The following SNX29 variants were observed in gnomAD, a reference collection of about 807,000 sequenced individuals.
The protein encoded by SNX29 is sorting nexin-29.
In SNX29, 78 loss-of-function variants were observed where a neutral mutation model predicts 102.1. That is an observed-to-expected ratio of 0.76 (90% CI 0.64 to 0.92). The LOEUF (loss-of-function observed/expected upper bound fraction) is 0.92, where lower values mean the gene tolerates loss of function less well. Among genes scored for constraint, SNX29 ranks in the 40% least tolerant of loss-of-function variants. The pLI is 0.00. For missense variants in SNX29, 1,280 were observed against 1,061.7 expected, an observed-to-expected ratio of 1.21 and a Z score of -2.86; for synonymous variants, 580 against 414.5, an observed-to-expected ratio of 1.40 and a Z score of -4.85.
At chr16:12,540,931 C>A (rs752520567) in intron 20 of SNX29, among the ~76,000 whole-genome samples, 1 of 152,166 alleles carries the variant, frequency 6.6e-6, no homozygotes, top group African/African-American at 2.4e-5. Context: ...CACCCCCTGC[C>A]CACTTTTGGG....
At chr16:12,559,849 C>T (rs752284342) in intron 20 of SNX29, among the ~76,000 whole-genome samples, 3 of 152,114 alleles carry the variant, frequency 2.0e-5, no homozygotes, top group Non-Finnish European at 4.4e-5. Flanking sequence ...TGCCAGACTG[C>T]TTTGATTTAA....
chr16:11,989,250 G>A (rs1367758947), intron 1 of SNX29, among the ~76,000 whole-genome samples: 1 of 152,192 alleles, frequency 6.6e-6, no homozygotes, highest in Non-Finnish European at 1.5e-5. Flanking sequence ...TGGGATTACA[G>A]ACGTGAGCCA....
chr16:12,268,639 C>T (rs187954661), intron 14 of SNX29, among the ~76,000 whole-genome samples: 5 of 152,266 alleles, frequency 3.3e-5, no homozygotes, highest in South Asian at 2.1e-4. Flanking sequence ...GAACCTTGCC[C>T]GTTGTTATGG....
At chr16:12,191,411 CAT>C (rs965053526) in intron 13 of SNX29, among the ~76,000 whole-genome samples, 2 of 152,176 alleles carry the variant, frequency 1.3e-5, no homozygotes, top group African/African-American at 4.8e-5. Flanking sequence ...TTGCCAGGAA[CAT>C]GACTTACCTC....
At position 12,573,403 on chromosome 16, in the gene SNX29, G is replaced by A. The variant is rs142319322; in HGVS notation, c.*4774G>A. 138 of 224,314 alleles carry A rather than the reference G, an allele frequency of 6.2e-4. No individual in the cohort carries two copies. The highest frequency in any genetic ancestry group is 2.9e-3 in the African/African-American group (131 of 44,950). The allele number at this position is 224,314 out of a possible 1,614,324, so 13.9% of individuals were successfully genotyped here. ...TCCTTCCTTATAGCTAGTTTCTATA[G>A]AGAAGTGAAAAAGAAATCTGGCTTC... is the stretch of plus-strand genomic sequence containing the variant. On this transcript the variant is annotated 3_prime_UTR_variant, in exon 21 of 21. Coordinates refer to ENST00000566228, the MANE Select transcript of SNX29 (RefSeq NM_032167.5).
rs138133306 is a variant in SNX29 at position 12,030,357 on chromosome 16, C to A, written c.247+2913C>A. Among the ~76,000 whole-genome samples, 641 of 152,300 alleles carry A rather than the reference C, an allele frequency of 4.2e-3. 7 individuals carry two copies. The highest frequency in any genetic ancestry group is 0.014 in the African/African-American group (600 of 41,562). Reference sequence around the variant, plus strand: ...GCGTACAGCACGGGCTTGTCAGTCTCCAAAACTGAATTCTGATCTTCATCC... The same window carrying A: ...GCGTACAGCACGGGCTTGTCAGTCTACAAAACTGAATTCTGATCTTCATCC... On this transcript the variant is annotated intron_variant, in intron 4 of 20. Transcript: ENST00000566228.
At chr16:12,106,184 G>A (rs1023455456) in intron 11 of SNX29, among the ~76,000 whole-genome samples, 9 of 152,214 alleles carry the variant, frequency 5.9e-5, no homozygotes, top group African/African-American at 2.2e-4. Context: ...TGTGTGGGCT[G>A]AGGGAGGGAC....
chr16:12,540,306 C>T (rs1441766455), intron 20 of SNX29, among the ~76,000 whole-genome samples: 6 of 152,180 alleles, frequency 3.9e-5, no homozygotes, highest in Admixed American at 1.3e-4. Flanking sequence ...GGGGTGGCCC[C>T]ACCCTCTTGG....
At chr16:12,413,657 C>T (rs565066635) in intron 18 of SNX29, among the ~76,000 whole-genome samples, 1 of 152,260 alleles carries the variant, frequency 6.6e-6, no homozygotes, top group South Asian at 2.1e-4. Flanking sequence ...GGGGAGACAG[C>T]TTGTTCATCC....
chr16:12,239,755 G>A (rs1437868874), intron 14 of SNX29, among the ~76,000 whole-genome samples: 2 of 151,708 alleles, frequency 1.3e-5, no homozygotes, highest in African/African-American at 4.8e-5. Flanking sequence ...AGGAGATCAG[G>A]GCTACCGTGA....
rs767403168 is a variant in SNX29 at position 12,570,720 on chromosome 16, G to C, written c.*2091G>C. 1 of 232,028 alleles carries C rather than the reference G, an allele frequency of 4.3e-6. No homozygotes were observed. Among genetic ancestry groups the C allele is most frequent in the African/African-American group, 2.2e-5 (1 of 45,196 alleles). 14.4% of individuals were successfully genotyped at this position (232,028 alleles called of 1,614,324 possible). A position where few individuals can be genotyped will look rare whatever the true frequency, so the allele number is the denominator to read the frequency against. On this transcript the variant is annotated 3_prime_UTR_variant, in exon 21 of 21. Coordinates refer to ENST00000566228, the MANE Select transcript of SNX29 (RefSeq NM_032167.5). ...GCCCCCAAAGCACAGGATGTGAATT[G>C]GTCTCTCTCCAGATACCCCACGAGG...
In SNX29 at chr16:12,570,345, C is replaced by G. The variant is rs745438670; in HGVS notation, c.*1716C>G. ...GGCAACTTGGTCTCCCTCCCACTCA[C>G]CTGCCAACATTGCTGCAATACACAT... On this transcript the variant is annotated 3_prime_UTR_variant, in exon 21 of 21. Coordinates refer to ENST00000566228, the MANE Select transcript of SNX29 (RefSeq NM_032167.5). 3 of 650,094 alleles carry G rather than the reference C, an allele frequency of 4.6e-6. No individual in the cohort carries two copies. In the Admixed American group the frequency reaches 1.6e-4, roughly 36 times the overall value. 40.3% of individuals were successfully genotyped at this position (650,094 alleles called of 1,614,324 possible).
Position 12,470,258 on chromosome 16 carries a change from G to C in SNX29, c.2038-7461G>C, listed in dbSNP as rs946103086. Among the ~76,000 whole-genome samples the C allele has an allele frequency of 2.0e-5, 3 of 152,200 alleles. No individual in the cohort carries two copies. In the South Asian group the frequency reaches 6.2e-4, roughly 32 times the overall value. On this transcript the variant is annotated intron_variant, in intron 18 of 20. Transcript: ENST00000566228. ...GTTTGAAATGGAGAGGGAGGCATTTGGTCTATGCTGCAGGAAGCAGGGGCA... is the reference window on the plus strand; with the variant it reads ...GTTTGAAATGGAGAGGGAGGCATTTCGTCTATGCTGCAGGAAGCAGGGGCA...
At chr16:12,016,181 T>C (rs1163218850) in intron 3 of SNX29, among the ~76,000 whole-genome samples, 1 of 152,234 alleles carries the variant, frequency 6.6e-6, no homozygotes, top group Non-Finnish European at 1.5e-5. Flanking sequence ...TAATTCTTTT[T>C]AAAAGGCTAC....
At chr16:12,074,563 G>C (rs895879885) in intron 10 of SNX29, among the ~76,000 whole-genome samples, 13 of 152,010 alleles carry the variant, frequency 8.6e-5, no homozygotes, top group Non-Finnish European at 1.6e-4. Context: ...TCCTTTTGTG[G>C]GTAACCCGAC....
At chr16:12,037,378 A>G (rs909698063) in intron 4 of SNX29, among the ~76,000 whole-genome samples, 2 of 152,170 alleles carry the variant, frequency 1.3e-5, no homozygotes, top group African/African-American at 4.8e-5. Context: ...AACTTGTGCG[A>G]AGAGACCCTG....
intron 11 of SNX29, among the ~76,000 whole-genome samples, chr16:12,125,605 CTTTTTTTTTTTTTTTTTTTT>C (rs36212472): frequency 8.8e-5 from 4 of 45,406 alleles, no homozygotes; most frequent in Non-Finnish European, 1.2e-4. Flanking sequence ...TGAGATCTCT[CTTTTTTTTTTTTTTTTTTTT>C]TTTTTTTTTT....
In SNX29 at chr16:12,061,935, C is replaced by T. The variant is rs114612704; in HGVS notation, c.1243+289C>T. On this transcript the variant is annotated intron_variant, in intron 9 of 20. Transcript: ENST00000566228. Reference sequence around the variant, plus strand: ...CTGTTTTTCTCCCTTACCAGTGGCCCGTTGAACTTGGTCGTTTAAAAGCTG... The same window carrying T: ...CTGTTTTTCTCCCTTACCAGTGGCCTGTTGAACTTGGTCGTTTAAAAGCTG... Among the ~76,000 whole-genome samples the T allele has an allele frequency of 6.1e-3, 926 of 152,232 alleles. 11 individuals carry two copies. The highest frequency in any genetic ancestry group is 0.021 in the African/African-American group (877 of 41,534).
chr16:12,193,982 C>G (rs1309290688), intron 13 of SNX29, among the ~76,000 whole-genome samples: 1 of 152,138 alleles, frequency 6.6e-6, no homozygotes, highest in Non-Finnish European at 1.5e-5. Flanking sequence ...GTTTCTTTGT[C>G]TTTCCATATG....
Sources: gnomAD v4.1 joint callset for allele counts (sites outside exome capture counted in the v4.1 genomes callset) on GRCh38, gnomAD v4.1.1 for gene constraint, MANE v1.5 for transcripts, NCBI Gene and HGNC (gene_info 2026-07-23, HGNC 2026-07-21) for gene names.